Variants in EPHA5 observed in about 807,000 individuals in gnomAD.
The protein encoded by EPHA5 is EPH receptor A5.
Under a neutral mutation model 105.0 loss-of-function variants are expected in EPHA5, and 60 were observed. That is an observed-to-expected ratio of 0.57 (90% confidence interval 0.46 to 0.71). The LOEUF is 0.71. EPHA5 is among the 30% of genes least tolerant of loss of function. The pLI is 0.00. For synonymous variants in EPHA5, 513 were observed against 449.1 expected, an observed-to-expected ratio of 1.14 and a Z score of -1.80; for missense variants, 1,218 against 1,274.7, an observed-to-expected ratio of 0.96 and a Z score of 0.68.
chr4:65,404,110 G>A (rs1365282965), intron 8 of EPHA5, among the ~76,000 whole-genome samples: 1 of 152,066 alleles, frequency 6.6e-6, no homozygotes, highest in Admixed American at 6.6e-5. Flanking sequence ...CATATAAAGA[G>A]ATATAGCTAT....
intron 2 of EPHA5, among the ~76,000 whole-genome samples, chr4:65,618,592 T>G (rs565765119): frequency 1.2e-4 from 18 of 152,194 alleles, no homozygotes; most frequent in African/African-American, 4.3e-4. Context: ...AGTAGTTACT[T>G]TATTGCTTTA....
intron 2 of EPHA5, among the ~76,000 whole-genome samples, chr4:65,629,342 A>C (rs552395866): frequency 7.9e-5 from 12 of 152,316 alleles, no homozygotes; most frequent in Non-Finnish European, 1.3e-4. Flanking sequence ...CCTACTCATA[A>C]TAACTGGATA....
intron 3 of EPHA5, among the ~76,000 whole-genome samples, chr4:65,594,180 G>A (rs1413246625): frequency 1.3e-5 from 2 of 151,820 alleles, no homozygotes; most frequent in Non-Finnish European, 2.9e-5. Flanking sequence ...CTTTTTGTGA[G>A]GTCTTTATAA....
At chr4:65,529,471 C>CAT (rs1735558060) in intron 3 of EPHA5, among the ~76,000 whole-genome samples, 1 of 151,592 alleles carries the variant, frequency 6.6e-6, no homozygotes, top group East Asian at 1.9e-4. Context: ...CACACAAATA[C>CAT]AACATATTCA....
chr4:65,335,825 G>T, intron 15 of EPHA5, 107 bp downstream of exon 15: 1 of 1,149,366 alleles, frequency 8.7e-7, no homozygotes, highest in South Asian at 1.7e-5. Flanking sequence ...GTGTCATATA[G>T]ATTCACAGAT....
At chr4:65,324,323 T>G (rs1719877072) in intron 16 of EPHA5, 104 bp from the exon 17 acceptor site, 5 of 701,268 alleles carry the variant, frequency 7.1e-6, no homozygotes, top group Non-Finnish European at 1.2e-5. Flanking sequence ...CTAGTTAGAT[T>G]ACAGTCCTAA....
intron 8 of EPHA5, among the ~76,000 whole-genome samples, chr4:65,381,572 A>C (rs1719566734): frequency 6.6e-6 from 1 of 151,874 alleles, no homozygotes; most frequent in South Asian, 2.1e-4. Context: ...AATATTAACC[A>C]AATAACACTG....
intron 16 of EPHA5, 152 bp from the exon 17 acceptor site, chr4:65,324,371 C>G (rs905901176): frequency 5.8e-6 from 3 of 520,168 alleles, no homozygotes; most frequent in African/African-American, 4.0e-5. Context: ...AGGTTAGGCT[C>G]TAAAATTATA....
At chr4:65,607,762 A>G (rs1216105163) in intron 2 of EPHA5, among the ~76,000 whole-genome samples, 1 of 152,200 alleles carries the variant, frequency 6.6e-6, no homozygotes, top group African/African-American at 2.4e-5. Context: ...ACCATTGTGG[A>G]AAACACTGTG....
chr4:65,651,014 G>A (rs1205423670), intron 1 of EPHA5, among the ~76,000 whole-genome samples: 1 of 152,044 alleles, frequency 6.6e-6, no homozygotes, highest in Non-Finnish European at 1.5e-5. Flanking sequence ...CAATTATGTG[G>A]TCCCACTATT....
chr4:65,463,308 C>A (rs1300982811), intron 5 of EPHA5, among the ~76,000 whole-genome samples: 2 of 152,038 alleles, frequency 1.3e-5, no homozygotes, highest in Non-Finnish European at 2.9e-5. Flanking sequence ...TGAAGTATAT[C>A]TCTTATAAGG....
intron 5 of EPHA5, among the ~76,000 whole-genome samples, chr4:65,429,077 G>A (rs1268995512): frequency 6.6e-6 from 1 of 151,732 alleles, no homozygotes; most frequent in Non-Finnish European, 1.5e-5. Context: ...TTTAATACAC[G>A]AAGAGTCCTA....
At chr4:65,569,514 A>G (rs943352500) in intron 3 of EPHA5, among the ~76,000 whole-genome samples, 10 of 151,818 alleles carry the variant, frequency 6.6e-5, no homozygotes, top group Non-Finnish European at 1.3e-4. Context: ...ATTTCCTTAA[A>G]CAATACAAAT....
chr4:65,547,600 G>A (rs911341668), intron 3 of EPHA5, among the ~76,000 whole-genome samples: 1 of 151,918 alleles, frequency 6.6e-6, no homozygotes, highest in African/African-American at 2.4e-5. Context: ...AATGAAATAG[G>A]TAATTCAGGC....
intron 2 of EPHA5, among the ~76,000 whole-genome samples, chr4:65,638,184 AT>A (rs1421677249): frequency 6.6e-6 from 1 of 152,108 alleles, no homozygotes; most frequent in African/African-American, 2.4e-5. Context: ...CTTTTTTATT[AT>A]TTATAAGGCA....
At chr4:65,601,405 T>C (rs776915534) in intron 3 of EPHA5, among the ~76,000 whole-genome samples, 7 of 152,208 alleles carry the variant, frequency 4.6e-5, no homozygotes, top group Admixed American at 2.0e-4. Flanking sequence ...AATATTACAC[T>C]GCAAGTCAGA....
chr4:65,651,670 A>G (rs925701568), intron 1 of EPHA5, among the ~76,000 whole-genome samples: 1 of 152,132 alleles, frequency 6.6e-6, no homozygotes, highest in Admixed American at 6.5e-5. Context: ...ATTTTACCCC[A>G]AAGTATTTTT....
At chr4:65,637,225 G>GTTTTT (rs33936787) in intron 2 of EPHA5, among the ~76,000 whole-genome samples, 9 of 139,030 alleles carry the variant, frequency 6.5e-5, no homozygotes, top group Middle Eastern at 3.5e-3. Context: ...GCACAGAAAA[G>GTTTTT]TTTTTTTTTT....
chr4:65,431,333 T>C (rs1403961150), intron 5 of EPHA5, among the ~76,000 whole-genome samples: 2 of 152,178 alleles, frequency 1.3e-5, no homozygotes, highest in Non-Finnish European at 2.9e-5. Flanking sequence ...TTTATATATA[T>C]TTAAAATTAT....
Sources: allele counts gnomAD v4.1 joint callset (sites outside exome capture counted in the v4.1 genomes callset), GRCh38; gene constraint gnomAD v4.1.1; transcripts MANE v1.5; gene names NCBI Gene and HGNC (gene_info 2026-07-23, HGNC 2026-07-21).